EPRS1: variants seen among roughly 807,000 people sequenced by gnomAD.
EPRS1 encodes glutamyl-prolyl-tRNA synthetase 1.
A neutral mutation model predicts 188.3 loss-of-function variants in EPRS1; 107 were observed. The observed-to-expected ratio is 0.57, with a 90% CI of 0.49 to 0.67. The LOEUF is 0.67. EPRS1 is among the 30% of genes least tolerant of loss of function. EPRS1 has a pLI of 0.00. For missense variants in EPRS1, 1,577 were observed against 1,802.2 expected (o/e 0.88, Z 2.26); for synonymous variants, 596 against 593.1 (o/e 1.00, Z -0.07).
intron 7 of EPRS1, 34 bp from the exon 8 acceptor site, chr1:220,024,490 T>C (rs750559305): frequency 3.3e-6 from 5 of 1,513,564 alleles, no homozygotes; most frequent in South Asian, 2.5e-5. Context: ...CATCAGTATA[T>C]CTTTTGCATT....
intron 18 of EPRS1, among the ~76,000 whole-genome samples, chr1:219,996,042 A>G (rs943886822): frequency 6.6e-6 from 1 of 152,126 alleles, no homozygotes; most frequent in Non-Finnish European, 1.5e-5. Flanking sequence ...TTGCAGTACT[A>G]TTTATCTGAT....
intron 23 of EPRS1, among the ~76,000 whole-genome samples, chr1:219,981,756 T>C (rs1239699676): frequency 6.6e-6 from 1 of 152,202 alleles, no homozygotes; most frequent in Non-Finnish European, 1.5e-5. Context: ...TCACATTTTG[T>C]TTTTAAAAAC....
Position 220,040,169 on chromosome 1 carries a change from A to T in EPRS1, c.131+16T>A. ...AAGCCAATCAGTACTGAAAATAAAA[A>T]GATGAAAACACTTACTCAGAAACAT... On this transcript the variant is annotated intron_variant, in intron 2 of 31. Coordinates refer to ENST00000366923, the MANE Select transcript of EPRS1 (RefSeq NM_004446.3). 6.6e-7 allele frequency: 1 copy of T among 1,524,888 alleles called. No homozygotes were observed. The allele number at this position is 1,524,888 out of a possible 1,614,324, so 94.5% of individuals were successfully genotyped here.
intron 19 of EPRS1, among the ~76,000 whole-genome samples, chr1:219,988,048 T>A (rs1302227905): frequency 6.6e-6 from 1 of 152,186 alleles, no homozygotes. Context: ...ATTATAAAGA[T>A]GAGATAATGG....
chr1:220,009,406 T>C (rs189830985), intron 13 of EPRS1, among the ~76,000 whole-genome samples: 1 of 152,332 alleles, frequency 6.6e-6, no homozygotes, highest in Admixed American at 6.5e-5. Context: ...AATAAAGTTA[T>C]TTATAGACAA....
At chr1:219,980,038 G>C (rs1245956771) in intron 26 of EPRS1, 47 bp downstream of exon 26, 1 of 1,544,274 alleles carries the variant, frequency 6.5e-7, no homozygotes, top group Non-Finnish European at 8.9e-7. Context: ...ATCTGTCCAT[G>C]GACTGTGCTT....
chr1:220,035,049 C>T (rs762639765), intron 2 of EPRS1, 36 bp from the exon 3 acceptor site: 3 of 1,006,704 alleles, frequency 3.0e-6, no homozygotes, highest in African/African-American at 3.3e-5. Flanking sequence ...ATTACTGCTG[C>T]TCTAGCAAAT....
At chr1:220,036,931 G>T (rs11118490) in intron 2 of EPRS1, among the ~76,000 whole-genome samples, 26,392 of 150,886 alleles carry the variant, frequency 0.17, 3,916 homozygotes, top group East Asian at 0.4. Context: ...AAAAAAAACA[G>T]AACACTCAGA....
chr1:219,984,310 G>C, intron 20 of EPRS1, 53 bp from the exon 21 acceptor site: 1 of 1,291,806 alleles, frequency 7.7e-7, no homozygotes, highest in South Asian at 1.2e-5. Flanking sequence ...ACTGCTTTAG[G>C]TTGAATAAAA....
chr1:219,999,893 T>C (rs1458932849), intron 17 of EPRS1, among the ~76,000 whole-genome samples: 2 of 152,086 alleles, frequency 1.3e-5, no homozygotes, highest in East Asian at 1.9e-4. Context: ...AGAAAATCGC[T>C]TGAAGCCAGG....
intron 27 of EPRS1, 124 bp downstream of exon 27, chr1:219,979,294 C>T (rs958474711): frequency 6.8e-5 from 46 of 671,638 alleles, no homozygotes; most frequent in South Asian, 3.9e-4. Context: ...CTGCATTCCA[C>T]GTTGTTTTTA....
At chr1:220,006,341 G>A (rs752207547) in intron 14 of EPRS1, 28 bp from the exon 15 acceptor site, 20 of 1,093,758 alleles carry the variant, frequency 1.8e-5, no homozygotes, top group South Asian at 2.1e-5. Context: ...AGTATTCAAA[G>A]AAATATTAAC....
At chr1:219,977,460 T>C (rs1660802332) in intron 28 of EPRS1, among the ~76,000 whole-genome samples, 1 of 152,158 alleles carries the variant, frequency 6.6e-6, no homozygotes, top group Non-Finnish European at 1.5e-5. Flanking sequence ...AATTCAGGAA[T>C]GAACGTGGAT....
chr1:220,005,828 TG>T (rs376081094), intron 15 of EPRS1, among the ~76,000 whole-genome samples: 1,286 of 45,920 alleles, frequency 0.028, 46 homozygotes, highest in African/African-American at 0.12. Context: ...TTTTTTTTTT[TG>T]TTTTTTTTTT....
At chr1:220,022,645 C>T in intron 8 of EPRS1, 127 bp from the exon 9 acceptor site, 1 of 747,210 alleles carries the variant, frequency 1.3e-6, no homozygotes, top group Non-Finnish European at 2.2e-6. Context: ...TTTAAAAACA[C>T]TGTAATATTT....
chr1:219,974,243 C>T (rs1660733292), intron 28 of EPRS1, among the ~76,000 whole-genome samples: 1 of 152,138 alleles, frequency 6.6e-6, no homozygotes, highest in Non-Finnish European at 1.5e-5. Flanking sequence ...CGTACTTGGC[C>T]AAGAGTTTGT....
At chr1:220,039,316 C>A (rs550922109) in intron 2 of EPRS1, among the ~76,000 whole-genome samples, 1 of 152,112 alleles carries the variant, frequency 6.6e-6, no homozygotes, top group Non-Finnish European at 1.5e-5. Context: ...TTAAATAACC[C>A]TGCCTCATTT....
At position 220,006,173 on chromosome 1, in the gene EPRS1, T is replaced by G; in HGVS notation, c.1883A>C (p.His628Pro). ...TCCTAGCACTGGCTTTGTGATCAAGTGCTCATAAGTGACACAGATTACTGG... is the reference window on the plus strand; with the variant it reads ...TCCTAGCACTGGCTTTGTGATCAAGGGCTCATAAGTGACACAGATTACTGG... Reference protein sequence around the residue: ...PIPVICVTYEHLITKPVLGKD... With the variant: ...PIPVICVTYEPLITKPVLGKD... The change falls in exon 15 of 32, where the codon CAC (histidine) becomes CCC (proline). Residue 628 changes from histidine to proline, a missense_variant. Around this residue, in one of 3 missense-constraint regions of EPRS1, gnomAD observed 1,278 missense variants for 1,457.4 expected, o/e 0.88. Coordinates refer to ENST00000366923, the MANE Select transcript of EPRS1 (RefSeq NM_004446.3). 1.2e-6 allele frequency: 2 copies of G among 1,600,080 alleles called. No homozygotes were observed. Among genetic ancestry groups the G allele is most frequent in the East Asian group, 2.3e-5 (1 of 44,260 alleles).
chr1:220,038,436 G>T (rs1662230089), intron 2 of EPRS1, among the ~76,000 whole-genome samples: 1 of 120,314 alleles, frequency 8.3e-6, no homozygotes, highest in Non-Finnish European at 1.6e-5. Context: ...TGTCATCCAT[G>T]CTGGAGTGCA....
Sources: gnomAD v4.1 joint callset for allele counts (sites outside exome capture counted in the v4.1 genomes callset) on GRCh38, gnomAD v4.1.1 for gene constraint, gnomAD v4.1.1 regional missense constraint, MANE v1.5 for transcripts, NCBI Gene and HGNC (gene_info 2026-07-23, HGNC 2026-07-21) for gene names.